Variants in TRIM64 observed in about 807,000 individuals in gnomAD.
TRIM64 encodes the protein tripartite motif-containing protein 64.
Under a neutral mutation model 10.6 loss-of-function variants are expected in TRIM64, and 3 were observed. The ratio of observed to expected loss-of-function variants is 0.28; its 90% CI spans 0.13 to 0.73. TRIM64 has a LOEUF of 0.73. Among genes scored for constraint, TRIM64 ranks in the 30% least tolerant of loss-of-function variants. The pLI, the probability that TRIM64 is intolerant of heterozygous loss-of-function variation, is 0.71. For synonymous variants in TRIM64, 8 were observed against 56.0 expected, an observed-to-expected ratio of 0.14 and a Z score of 3.83; for missense variants, 29 against 152.0, an observed-to-expected ratio of 0.19 and a Z score of 4.25.
At position 89,972,101 on chromosome 11, in the gene TRIM64, C is replaced by G. The variant is rs113499594; in HGVS notation, c.759-96C>G. 6,003 of 246,454 alleles carry G rather than the reference C, an allele frequency of 0.024. 2,428 individuals are homozygous for G. The African/African-American group carries it at 0.28, about 11-fold the overall frequency. 15.3% of individuals were successfully genotyped at this position (246,454 alleles called of 1,614,324 possible). Reference sequence around the variant, plus strand: ...CCAGTTAACCAAAACTGGCAGAATTCTGAGGAAACATCTTATATGAAAATG... The same window carrying G: ...CCAGTTAACCAAAACTGGCAGAATTGTGAGGAAACATCTTATATGAAAATG... On this transcript the variant is annotated intron_variant, in intron 4 of 5. Transcript: ENST00000533122.
chr11:89,966,367 T>C (rs1184336503), upstream of TRIM64, among the ~76,000 whole-genome samples: 1 of 94,508 alleles, frequency 1.1e-5, no homozygotes, highest in African/African-American at 3.4e-5. Context: ...ATTGTTAGAT[T>C]TTTCTTAAGT....
Position 89,971,221 on chromosome 11 carries a change from AT to A in TRIM64, c.736-5del, listed in dbSNP as rs1216403878. On this transcript the variant is annotated splice_polypyrimidine_tract_variant and intron_variant, in intron 3 of 5. Coordinates refer to ENST00000533122, the Ensembl canonical transcript of TRIM64. ...TCTCTCATAATTAACATTATCTTTC[AT>A]TTTTTTGCAGGATGTGAGAAATGTA... 1.7e-5 allele frequency: 4 copies of A among 237,546 alleles called. No homozygotes were observed. The highest frequency in any genetic ancestry group is 7.2e-5 in the South Asian group (1 of 13,944). 14.7% of individuals were successfully genotyped at this position (237,546 alleles called of 1,614,324 possible). A position where few individuals can be genotyped will look rare whatever the true frequency, so the allele number is the denominator to read the frequency against.
At chr11:89,966,898 C>CAAAAAAA (rs778298970), upstream of TRIM64, among the ~76,000 whole-genome samples, 2 of 12,984 alleles carry the variant, frequency 1.5e-4, no homozygotes, top group African/African-American at 5.8e-4. Flanking sequence ...ACAACAGCAA[C>CAAAAAAA]AAAAAAAAAA....
At chr11:89,971,351 G>T in intron 4 of TRIM64, 96 bp downstream of exon 5, 1 of 88,530 alleles carries the variant, frequency 1.1e-5, no homozygotes. Flanking sequence ...GTTGTCGGTG[G>T]CTATTTCCAA....
exon 1 of TRIM64, chr11:89,968,701 C>A: frequency 2.5e-6 from 2 of 786,242 alleles, no homozygotes; most frequent in East Asian, 7.9e-5. Flanking sequence ...ACTTCAACAC[C>A]AATGTGGTAC....
At position 89,971,491 on chromosome 11, in the gene TRIM64, C is replaced by T. The variant is rs1436571326; in HGVS notation, c.758+236C>T. On this transcript the variant is annotated intron_variant, in intron 4 of 5. Coordinates refer to ENST00000533122, the Ensembl canonical transcript of TRIM64. ...GGAAGTTTGTTCTTCCCAGTCCATC[C>T]GTCCTGACCAACCATACCCCACAGA... Among the ~76,000 whole-genome samples, 4 of 48,408 alleles carry T rather than the reference C, an allele frequency of 8.3e-5. 1 individual carries two copies. Among genetic ancestry groups the T allele is most frequent in the African/African-American group, 2.2e-4 (3 of 13,710 alleles). 31.8% of individuals were successfully genotyped at this position (48,408 alleles called of 152,430 possible). A position where few individuals can be genotyped will look rare whatever the true frequency, so the allele number is the denominator to read the frequency against.
chr11:89,971,714 G>A lies in TRIM64; in HGVS notation c.758+459G>A, dbSNP rs1256470599. On this transcript the variant is annotated intron_variant, in intron 4 of 5. Coordinates refer to ENST00000533122, the Ensembl canonical transcript of TRIM64. ...ACACCCAGTTCTAGGAAAGACCTCA[G>A]GGAAATGGTTGCCTCGGGCCCCTCA... 7.6e-5 allele frequency among the ~76,000 whole-genome samples: 4 copies of A among 52,448 alleles called. 2 individuals are homozygous for A. The highest frequency in any genetic ancestry group is 8.5e-5 in the Non-Finnish European group (2 of 23,532). 34.4% of individuals were successfully genotyped at this position (52,448 alleles called of 152,430 possible). A position where few individuals can be genotyped will look rare whatever the true frequency, so the allele number is the denominator to read the frequency against.
At chr11:89,966,470 T>C (rs1950424940), upstream of TRIM64, among the ~76,000 whole-genome samples, 2 of 66,550 alleles carry the variant, frequency 3.0e-5, no homozygotes. Flanking sequence ...GTAGTGGTTA[T>C]AACGTAAGCC....
At chr11:89,968,016 C>T (rs1162281473), upstream of TRIM64, among the ~76,000 whole-genome samples, 1 of 35,542 alleles carries the variant, frequency 2.8e-5, no homozygotes, top group Admixed American at 2.7e-4. Flanking sequence ...CTCCTGACCT[C>T]GTGACCTGCC....
chr11:89,966,898 C>CAAAAAAAAAAAAAA (rs778298970), upstream of TRIM64, among the ~76,000 whole-genome samples: 5 of 12,864 alleles, frequency 3.9e-4, no homozygotes, highest in Non-Finnish European at 5.6e-4. Flanking sequence ...ACAACAGCAA[C>CAAAAAAAAAAAAAA]AAAAAAAAAA....
At chr11:89,973,512 G>C in exon 6 of TRIM64, 1 of 479,950 alleles carries the variant, frequency 2.1e-6, no homozygotes, top group Non-Finnish European at 2.7e-6. Flanking sequence ...CCAGGGAGTG[G>C]ACAGCTTTGC....
chr11:89,967,090 CT>C (rs1175747148), upstream of TRIM64, among the ~76,000 whole-genome samples: 50 of 27,284 alleles, frequency 1.8e-3, no homozygotes, highest in Non-Finnish European at 1.2e-3. Flanking sequence ...CATATCTTCA[CT>C]TTTTTTTTGT....
At chr11:89,974,037 G>A in exon 6 of TRIM64, 1 of 126,968 alleles carries the variant, frequency 7.9e-6, no homozygotes, top group East Asian at 1.1e-4. Flanking sequence ...CACCTTGAAT[G>A]TGTACTTTTG....
At chr11:89,968,073 C>A (rs1950429867), upstream of TRIM64, among the ~76,000 whole-genome samples, 1 of 35,390 alleles carries the variant, frequency 2.8e-5, no homozygotes, top group Non-Finnish European at 5.2e-5. Context: ...GAGTACCGCG[C>A]CCTGCCAAAC....
At chr11:89,968,475 AC>A, upstream of TRIM64, 1 of 215,444 alleles carries the variant, frequency 4.6e-6, no homozygotes, top group South Asian at 7.0e-5. Flanking sequence ...AGAAATTCTC[AC>A]TTTTTTTTTT....
upstream of TRIM64, among the ~76,000 whole-genome samples, chr11:89,967,042 A>G (rs1369022214): frequency 3.1e-5 from 1 of 32,216 alleles, no homozygotes; most frequent in East Asian, 6.8e-4. Context: ...CATTAACTGC[A>G]TTTCTGGATT....
chr11:89,973,924 C>T lies in TRIM64; in HGVS notation c.*35C>T. 9.7e-6 allele frequency: 3 copies of T among 310,162 alleles called. 1 individual carries two copies. The highest frequency in any genetic ancestry group is 1.3e-5 in the Non-Finnish European group (3 of 226,596). 19.2% of individuals were successfully genotyped at this position (310,162 alleles called of 1,614,324 possible). A position where few individuals can be genotyped will look rare whatever the true frequency, so the allele number is the denominator to read the frequency against. Reference sequence around the variant, plus strand: ...TTCACGATGATTTATTGTGACCTCCCACATATGAGGCAAATACTGTCCTAA... The same window carrying T: ...TTCACGATGATTTATTGTGACCTCCTACATATGAGGCAAATACTGTCCTAA... On this transcript the variant is annotated 3_prime_UTR_variant, in exon 6 of 6. Transcript: ENST00000533122.
chr11:89,971,864 G>C (rs2450953), intron 4 of TRIM64, among the ~76,000 whole-genome samples: 718 of 52,740 alleles, frequency 0.014, 284 homozygotes, highest in African/African-American at 0.042. Context: ...GGCTGAGGTC[G>C]CAAAGGTTTT....
upstream of TRIM64, among the ~76,000 whole-genome samples, chr11:89,967,554 AATC>A (rs1175002665): frequency 6.0e-5 from 2 of 33,556 alleles, no homozygotes; most frequent in Non-Finnish European, 5.4e-5. Flanking sequence ...GTGACTCAGA[AATC>A]ATCCCAGCTT....
Sources: allele counts gnomAD v4.1 joint callset (sites outside exome capture counted in the v4.1 genomes callset), GRCh38; gene constraint gnomAD v4.1.1; transcripts MANE v1.5; gene names NCBI Gene and HGNC (gene_info 2026-07-23, HGNC 2026-07-21).